ARL15: variants seen among roughly 807,000 people sequenced by gnomAD.
The protein encoded by ARL15 is ADP-ribosylation factor-like protein 15.
ARL15 carries 19 observed loss-of-function variants against 25.2 expected under a neutral mutation model. The ratio of observed to expected loss-of-function variants is 0.75; its 90% CI spans 0.53 to 1.10. The LOEUF (loss-of-function observed/expected upper bound fraction) is 1.10. ARL15 is among the 50% of genes least tolerant of loss of function. The pLI, the probability that ARL15 is intolerant of heterozygous loss-of-function variation, is 0.00. For synonymous variants in ARL15, 94 were observed against 86.8 expected (o/e 1.08, Z -0.46); for missense variants, 220 against 246.0 (o/e 0.89, Z 0.71).
intron 4 of ARL15, among the ~76,000 whole-genome samples, chr5:54,010,352 C>T (rs993730696): frequency 1.3e-5 from 2 of 152,158 alleles, no homozygotes; most frequent in African/African-American, 2.4e-5. Context: ...AAACACTGGT[C>T]TAAAAAAATT....
At chr5:53,934,824 C>T (rs914832966) in intron 4 of ARL15, among the ~76,000 whole-genome samples, 1 of 152,154 alleles carries the variant, frequency 6.6e-6, no homozygotes, top group African/African-American at 2.4e-5. Context: ...ATGCATAAAG[C>T]ACAGTATACA....
chr5:54,095,949 T>C (rs1190297000), intron 4 of ARL15, among the ~76,000 whole-genome samples: 1 of 152,166 alleles, frequency 6.6e-6, no homozygotes, highest in Non-Finnish European at 1.5e-5. Context: ...GACAGGAGAT[T>C]GTTGTGGTAG....
intron 4 of ARL15, among the ~76,000 whole-genome samples, chr5:54,045,441 A>G (rs2111964098): frequency 6.6e-6 from 1 of 152,284 alleles, no homozygotes; most frequent in South Asian, 2.1e-4. Flanking sequence ...TCTCCTATTC[A>G]TTTATTGTAG....
At chr5:53,974,789 A>G (rs1561172141) in intron 4 of ARL15, among the ~76,000 whole-genome samples, 1 of 152,216 alleles carries the variant, frequency 6.6e-6, no homozygotes, top group Non-Finnish European at 1.5e-5. Context: ...TTCTAGAATT[A>G]ATTAAAATCT....
intron 4 of ARL15, among the ~76,000 whole-genome samples, chr5:53,889,814 T>TTG: frequency 6.6e-6 from 1 of 151,580 alleles, no homozygotes; most frequent in Non-Finnish European, 1.5e-5. Flanking sequence ...CTGACTGTTT[T>TTG]TTTTTTTTTT....
intron 4 of ARL15, among the ~76,000 whole-genome samples, chr5:54,024,189 T>C (rs1033729053): frequency 3.3e-5 from 5 of 152,194 alleles, no homozygotes; most frequent in African/African-American, 1.2e-4. Flanking sequence ...ACGATACAAG[T>C]TTCCTGGCTT....
At chr5:54,121,496 T>C (rs1753074192) in intron 3 of ARL15, among the ~76,000 whole-genome samples, 1 of 152,216 alleles carries the variant, frequency 6.6e-6, no homozygotes, top group African/African-American at 2.4e-5. Flanking sequence ...ATAATGTGCA[T>C]ATCGAATTAT....
In ARL15 at chr5:54,059,313, G is replaced by A. The variant is rs10073807; in HGVS notation, c.462+53889C>T. Among the ~76,000 whole-genome samples the A allele has an allele frequency of 5.8e-3, 880 of 152,314 alleles. 5 individuals carry two copies. Among genetic ancestry groups the A allele is most frequent in the African/African-American group, 0.02 (830 of 41,556 alleles). On this transcript the variant is annotated intron_variant, in intron 4 of 4. Transcript: ENST00000504924. ...CTTGTCTGATTAGGGCCTCCGTTCC[G>A]ACAGCATCTTCACTGTGAAGTGAGA...
intron 1 of ARL15, among the ~76,000 whole-genome samples, chr5:54,194,952 A>G (rs561867548): frequency 6.6e-6 from 1 of 152,306 alleles, no homozygotes; most frequent in African/African-American, 2.4e-5. Context: ...TATGCCACAA[A>G]GAGTAGGGTG....
intron 4 of ARL15, among the ~76,000 whole-genome samples, chr5:53,973,574 CAAAAAAAAAAAAAAAAAAA>C (rs34108460): frequency 1.1e-5 from 1 of 87,126 alleles, no homozygotes; most frequent in East Asian, 3.3e-4. Context: ...AACTTCATCT[CAAAAAAAAAAAAAAAAAAA>C]AGTAGTCAGG....
intron 1 of ARL15, among the ~76,000 whole-genome samples, chr5:54,264,453 T>G (rs891224148): frequency 2.6e-5 from 4 of 152,140 alleles, no homozygotes; most frequent in Non-Finnish European, 4.4e-5. Flanking sequence ...CCTTTAAAAA[T>G]GCAAGTTAGT....
At chr5:54,275,314 A>G (rs1446810328) in intron 1 of ARL15, among the ~76,000 whole-genome samples, 1 of 152,180 alleles carries the variant, frequency 6.6e-6, no homozygotes, top group African/African-American at 2.4e-5. Context: ...TATCCATTCT[A>G]TATGCCCCCT....
intron 1 of ARL15, among the ~76,000 whole-genome samples, chr5:54,300,602 C>T (rs1758591127): frequency 6.6e-6 from 1 of 152,206 alleles, no homozygotes; most frequent in South Asian, 2.1e-4. Flanking sequence ...CAAAACAATG[C>T]TCAAACCAAA....
At chr5:54,143,583 A>G (rs1753828106) in intron 3 of ARL15, among the ~76,000 whole-genome samples, 1 of 152,070 alleles carries the variant, frequency 6.6e-6, no homozygotes, top group African/African-American at 2.4e-5. Flanking sequence ...TTATTGATAC[A>G]GATATACGTG....
intron 4 of ARL15, among the ~76,000 whole-genome samples, chr5:54,078,686 G>A (rs1486309201): frequency 7.6e-6 from 1 of 131,546 alleles, no homozygotes; most frequent in African/African-American, 2.9e-5. Context: ...AACATTGACT[G>A]AACATTTCCT....
intron 3 of ARL15, among the ~76,000 whole-genome samples, chr5:54,146,414 GA>G (rs1171371428): frequency 6.6e-6 from 1 of 151,172 alleles, no homozygotes. Flanking sequence ...TCGACTGCTG[GA>G]AAAAAAAATA....
intron 1 of ARL15, among the ~76,000 whole-genome samples, chr5:54,202,973 G>C (rs1755763643): frequency 6.6e-6 from 1 of 152,080 alleles, no homozygotes; most frequent in Non-Finnish European, 1.5e-5. Context: ...TCCATTATAA[G>C]GATAGAAAAA....
intron 1 of ARL15, among the ~76,000 whole-genome samples, chr5:54,205,647 T>C (rs1184454245): frequency 6.6e-6 from 1 of 152,160 alleles, no homozygotes; most frequent in Non-Finnish European, 1.5e-5. Flanking sequence ...TGATATCGTG[T>C]TCATGATTAA....
intron 1 of ARL15, among the ~76,000 whole-genome samples, chr5:54,277,399 C>T (rs1159390410): frequency 6.6e-6 from 1 of 152,128 alleles, no homozygotes; most frequent in African/African-American, 2.4e-5. Context: ...AATTGAATGC[C>T]ATTTTTACTG....
Sources: gnomAD v4.1 joint callset for allele counts (sites outside exome capture counted in the v4.1 genomes callset) on GRCh38, gnomAD v4.1.1 for gene constraint, MANE v1.5 for transcripts, NCBI Gene and HGNC (gene_info 2026-07-23, HGNC 2026-07-21) for gene names.